Variants in GRIP1 observed in about 807,000 individuals in gnomAD.
GRIP1 encodes glutamate receptor interacting protein 1, also known as glutamate receptor-interacting protein 1.
A neutral mutation model predicts 129.9 loss-of-function variants in GRIP1; 45 were observed. The observed-to-expected ratio is 0.35, with a 90% CI of 0.27 to 0.44. GRIP1 has a LOEUF of 0.44. Among genes scored for constraint, GRIP1 ranks in the 20% least tolerant of loss-of-function variants. The pLI, the probability that GRIP1 is intolerant of heterozygous loss-of-function variation, is 1.00. For missense variants in GRIP1, 1,196 were observed against 1,396.8 expected, an observed-to-expected ratio of 0.86 and a Z score of 2.29; for synonymous variants, 530 against 520.8, an observed-to-expected ratio of 1.02 and a Z score of -0.24.
chr12:66,951,948 A>T (rs779874263), intron 1 of GRIP1, among the ~76,000 whole-genome samples: 1 of 152,210 alleles, frequency 6.6e-6, no homozygotes, highest in Non-Finnish European at 1.5e-5. Context: ...AGACATTTGG[A>T]TAGTCAAATT....
At chr12:66,639,498 G>A (rs941349327) in intron 1 of GRIP1, among the ~76,000 whole-genome samples, 1 of 152,090 alleles carries the variant, frequency 6.6e-6, no homozygotes, top group African/African-American at 2.4e-5. Context: ...AAAGTGGGAG[G>A]AGCAGAGATC....
intron 1 of GRIP1, among the ~76,000 whole-genome samples, chr12:66,610,447 G>A (rs941394436): frequency 8.5e-5 from 13 of 152,154 alleles, no homozygotes; most frequent in Middle Eastern, 3.4e-3. Context: ...GGCAAAAGTC[G>A]GAAACCACCA....
At chr12:67,062,223 G>A (rs1031818684) in intron 1 of GRIP1, among the ~76,000 whole-genome samples, 3 of 152,108 alleles carry the variant, frequency 2.0e-5, no homozygotes, top group Admixed American at 6.6e-5. Context: ...CCTGGCATAC[G>A]AAGCCCTTTC....
chr12:66,381,070 G>A (rs1228450263), intron 19 of GRIP1, among the ~76,000 whole-genome samples: 1 of 152,006 alleles, frequency 6.6e-6, no homozygotes, highest in Non-Finnish European at 1.5e-5. Flanking sequence ...CTAGTTTAAA[G>A]CCCAAGCAGA....
chr12:66,478,355 A>G (rs1390715590), intron 7 of GRIP1, among the ~76,000 whole-genome samples: 1 of 152,292 alleles, frequency 6.6e-6, no homozygotes, highest in East Asian at 1.9e-4. Context: ...TTAGAATGGC[A>G]ATCATTAAAA....
At chr12:67,054,536 G>A (rs2043401515) in intron 1 of GRIP1, among the ~76,000 whole-genome samples, 2 of 152,116 alleles carry the variant, frequency 1.3e-5, no homozygotes, top group South Asian at 4.1e-4. Context: ...GGCCGAAGTG[G>A]GCAGATCATC....
intron 15 of GRIP1, among the ~76,000 whole-genome samples, chr12:66,408,919 T>C (rs2057292249): frequency 6.6e-6 from 1 of 151,992 alleles, no homozygotes; most frequent in African/African-American, 2.4e-5. Context: ...GGAGCAGTGG[T>C]GGCCAGGGGG....
chr12:66,936,496 G>T (rs1958015163), intron 1 of GRIP1, among the ~76,000 whole-genome samples: 1 of 150,906 alleles, frequency 6.6e-6, no homozygotes, highest in Non-Finnish European at 1.5e-5. Flanking sequence ...TTCCAGACCT[G>T]GTCCTTTATG....
chr12:67,001,341 G>C (rs1460253513), intron 1 of GRIP1, among the ~76,000 whole-genome samples: 1 of 152,038 alleles, frequency 6.6e-6, no homozygotes, highest in Non-Finnish European at 1.5e-5. Flanking sequence ...AGAAAGAGGG[G>C]AAAAAAGCAT....
intron 1 of GRIP1, among the ~76,000 whole-genome samples, chr12:66,934,386 G>A (rs534400453): frequency 3.9e-5 from 6 of 152,220 alleles, no homozygotes; most frequent in South Asian, 2.1e-4. Flanking sequence ...CCTGGGGTTC[G>A]TTTAAGTTCT....
intron 1 of GRIP1, among the ~76,000 whole-genome samples, chr12:66,639,156 G>C (rs924898143): frequency 5.3e-5 from 8 of 151,986 alleles, no homozygotes; most frequent in Non-Finnish European, 1.0e-4. Context: ...ATAAATGTTA[G>C]GTATTCCTAT....
chr12:66,680,964 A>G (rs1565963823), upstream of GRIP1, among the ~76,000 whole-genome samples: 1 of 151,726 alleles, frequency 6.6e-6, no homozygotes, highest in Non-Finnish European at 1.5e-5. Flanking sequence ...TAATATGCTT[A>G]TTTTTTTTGT....
At position 66,377,638 on chromosome 12, in the gene GRIP1, C is replaced by CTTTTTTTTTTTT. The variant is rs3045282; in HGVS notation, c.2622-365_2622-354dup. On this transcript the variant is annotated intron_variant, in intron 20 of 24. Transcript: ENST00000359742. ...GTAGGCGTGAGCCACCGCACCCGGC[C>CTTTTTTTTTTTT]TTTTTTTTTTTTTTTTTTGGATTCA... 1.6e-3 allele frequency among the ~76,000 whole-genome samples: 203 copies of CTTTTTTTTTTTT among 124,540 alleles called. 3 individuals are homozygous for CTTTTTTTTTTTT. The highest frequency in any genetic ancestry group is 6.1e-3 in the African/African-American group (194 of 31,822). 81.7% of individuals were successfully genotyped at this position (124,540 alleles called of 152,430 possible).
Position 66,524,916 on chromosome 12 carries a change from A to G in GRIP1, c.502+4915T>C, listed in dbSNP as rs1249130008. Among the ~76,000 whole-genome samples, 5 of 152,314 alleles carry G rather than the reference A, an allele frequency of 3.3e-5. No homozygotes were observed. The East Asian group carries it at 9.6e-4, about 29-fold the overall frequency. On this transcript the variant is annotated intron_variant, in intron 5 of 24. Transcript: ENST00000359742. ...ACTACAAATACCTCTACGCAAATAA[A>G]CTAGAAAATCTAGAAGAAATGGATA...
chr12:66,713,987 A>G lies in GRIP1; in HGVS notation c.-419-83651T>C, dbSNP rs76281610. ...AAAAAAATTCATTTAAATTCACCCT[A>G]TTGCTCACTCTGTGACCTAACACAG... is the stretch of plus-strand genomic sequence containing the variant. On this transcript the variant is annotated intron_variant, in intron 1 of 4. Coordinates refer to the GRIP1 transcript ENST00000538373. 3.4e-3 allele frequency among the ~76,000 whole-genome samples: 512 copies of G among 152,174 alleles called. 5 individuals are homozygous for G. Among genetic ancestry groups the G allele is most frequent in the African/African-American group, 0.012 (490 of 41,554 alleles).
intron 1 of GRIP1, among the ~76,000 whole-genome samples, chr12:66,702,717 G>A (rs2035392676): frequency 6.6e-6 from 1 of 152,070 alleles, no homozygotes; most frequent in South Asian, 2.1e-4. Context: ...CACAGAGTGG[G>A]TGACAAAAAA....
chr12:67,018,776 A>G (rs892473934), intron 1 of GRIP1, among the ~76,000 whole-genome samples: 2 of 152,126 alleles, frequency 1.3e-5, no homozygotes, highest in Non-Finnish European at 1.5e-5. Context: ...TCCATTTTGT[A>G]AAACCAATTT....
intron 1 of GRIP1, among the ~76,000 whole-genome samples, chr12:66,766,551 A>T (rs1193818862): frequency 1.3e-5 from 2 of 152,212 alleles, no homozygotes; most frequent in Admixed American, 6.5e-5. Context: ...TTGTGTTCTC[A>T]GCACTTTGTA....
chr12:66,832,480 C>T (rs73331107), intron 1 of GRIP1, among the ~76,000 whole-genome samples: 2,644 of 151,880 alleles, frequency 0.017, 78 homozygotes, highest in African/African-American at 0.058. Flanking sequence ...TGGGAACCAA[C>T]GAAAATCTCA....
Sources: gnomAD v4.1 joint callset for allele counts (sites outside exome capture counted in the v4.1 genomes callset) on GRCh38, gnomAD v4.1.1 for gene constraint, MANE v1.5 for transcripts, NCBI Gene and HGNC (gene_info 2026-07-23, HGNC 2026-07-21) for gene names.